Variants in KANK1 observed in about 807,000 individuals in gnomAD.
KANK1 encodes the protein KN motif and ankyrin repeat domain-containing protein 1.
KANK1 carries 109 observed loss-of-function variants against 106.2 expected under a neutral mutation model. That is an observed-to-expected ratio of 1.03 (90% CI 0.88 to 1.20). The LOEUF (loss-of-function observed/expected upper bound fraction) is 1.20, where lower values mean the gene tolerates loss of function less well. KANK1 is among the 50% of genes most tolerant of loss of function. The pLI, the probability that KANK1 is intolerant of heterozygous loss-of-function variation, is 0.00. For missense variants in KANK1, 2,399 were observed against 1,710.7 expected (o/e 1.40, Z -7.10); for synonymous variants, 873 against 652.2 (o/e 1.34, Z -5.16).
At chr9:526,727 C>G (rs2059809043) in intron 1 of KANK1, among the ~76,000 whole-genome samples, 1 of 151,794 alleles carries the variant, frequency 6.6e-6, no homozygotes, top group Non-Finnish European at 1.5e-5. Flanking sequence ...CATCTATCTT[C>G]TGATGTTGAA....
chr9:544,179 C>T lies in KANK1; in HGVS notation c.-84+39425C>T, dbSNP rs991063015. ...GGGACCACAGGTGTGCACCACCATA[C>T]CCGGCTAATTTTTTTATTTTTTGTA... On this transcript the variant is annotated intron_variant, in intron 1 of 11. Transcript: ENST00000382297. 3.3e-5 allele frequency among the ~76,000 whole-genome samples: 5 copies of T among 152,010 alleles called. No individual in the cohort carries two copies. The East Asian group carries it at 7.7e-4, about 23-fold the overall frequency.
intron 3 of KANK1, among the ~76,000 whole-genome samples, chr9:499,127 G>A (rs1051716450): frequency 4.8e-4 from 72 of 149,878 alleles, no homozygotes; most frequent in African/African-American, 1.7e-3. Flanking sequence ...GCAGTGAGCC[G>A]AGATCACACC....
At chr9:717,509 C>G (rs867580984) in intron 3 of KANK1, among the ~76,000 whole-genome samples, 11 of 152,040 alleles carry the variant, frequency 7.2e-5, no homozygotes, top group African/African-American at 2.2e-4. Flanking sequence ...GAACATTTTT[C>G]TAGGATTTGA....
In KANK1 at chr9:606,182, C is replaced by G. The variant is rs573475048; in HGVS notation, c.-83-70708C>G. 3.2e-3 allele frequency among the ~76,000 whole-genome samples: 457 copies of G among 143,564 alleles called. 13 individuals are homozygous for G. Among genetic ancestry groups the G allele is most frequent in the African/African-American group, 0.012 (449 of 38,806 alleles). 94.2% of individuals were successfully genotyped at this position (143,564 alleles called of 152,430 possible). ...ACACACACACACACACACACACACA[C>G]CACTCACACATATATACGTACATAC... On this transcript the variant is annotated intron_variant, in intron 1 of 11. Coordinates refer to ENST00000382297, the MANE Select transcript of KANK1 (RefSeq NM_015158.5).
intron 1 of KANK1, among the ~76,000 whole-genome samples, chr9:536,171 C>G (rs965823843): frequency 6.6e-6 from 1 of 151,930 alleles, no homozygotes; most frequent in East Asian, 1.9e-4. Flanking sequence ...AACTCTGTCT[C>G]TACTAAAAAA....
intron 1 of KANK1, among the ~76,000 whole-genome samples, chr9:598,998 A>G (rs929090510): frequency 6.8e-6 from 1 of 147,676 alleles, no homozygotes; most frequent in African/African-American, 2.5e-5. Context: ...TACTTTATGA[A>G]TGATTTGTAT....
chr9:534,007 T>G (rs771831136), intron 1 of KANK1, among the ~76,000 whole-genome samples: 4 of 152,200 alleles, frequency 2.6e-5, no homozygotes, highest in African/African-American at 9.7e-5. Context: ...CCCAGACTTT[T>G]TGTCATTCTG....
intron 1 of KANK1, among the ~76,000 whole-genome samples, chr9:574,055 C>G (rs1819897495): frequency 6.6e-6 from 1 of 152,360 alleles, no homozygotes; most frequent in East Asian, 1.9e-4. Context: ...CTGGATTTGT[C>G]TTTATTGTAC....
At chr9:545,735 T>C (rs1365278375) in intron 1 of KANK1, among the ~76,000 whole-genome samples, 1 of 145,616 alleles carries the variant, frequency 6.9e-6, no homozygotes, top group Admixed American at 6.9e-5. Flanking sequence ...TTTTTTTTTT[T>C]TTTTTTTTTT....
intron 1 of KANK1, among the ~76,000 whole-genome samples, chr9:572,325 C>T (rs963367018): frequency 1.3e-5 from 2 of 151,750 alleles, no homozygotes; most frequent in Non-Finnish European, 2.9e-5. Flanking sequence ...CCAGCTATTT[C>T]GGATCATGAG....
At chr9:731,025 TTTGTGGAAAC>T (rs1228169515) in intron 4 of KANK1, 123 bp from the exon 5 acceptor site, 2 of 460,898 alleles carry the variant, frequency 4.3e-6, no homozygotes, top group African/African-American at 4.1e-5. Flanking sequence ...CCCATTGAAT[TTTGTGGAAAC>T]TTCTCACATA....
chr9:690,725 G>A (rs1344026337), intron 2 of KANK1, among the ~76,000 whole-genome samples: 20 of 152,162 alleles, frequency 1.3e-4, no homozygotes, highest in African/African-American at 9.7e-5. Context: ...CAGGCTCTCT[G>A]GGGGAAAAGT....
intron 2 of KANK1, among the ~76,000 whole-genome samples, chr9:703,426 A>T (rs1053549714): frequency 1.3e-5 from 2 of 152,082 alleles, no homozygotes; most frequent in Non-Finnish European, 2.9e-5. Context: ...GAATAGGACC[A>T]TTTTCTGTAG....
chr9:710,773 TC>T, intron 2 of KANK1, 30 bp from the exon 3 acceptor site: 1 of 1,536,116 alleles, frequency 6.5e-7, no homozygotes, highest in Non-Finnish European at 8.7e-7. Flanking sequence ...GTATTGCATG[TC>T]ATTATAATAT....
chr9:589,786 G>A lies in KANK1; in HGVS notation c.-84+85032G>A, dbSNP rs140154174. Reference sequence around the variant, plus strand: ...GGAGAGTAAAAGTGGTAGGTTTGGGGTTTTAGATTTGAGAAAGGGAAACCA... The same window carrying A: ...GGAGAGTAAAAGTGGTAGGTTTGGGATTTTAGATTTGAGAAAGGGAAACCA... On this transcript the variant is annotated intron_variant, in intron 1 of 11. Coordinates refer to ENST00000382297, the MANE Select transcript of KANK1 (RefSeq NM_015158.5). Among the ~76,000 whole-genome samples the A allele has an allele frequency of 5.6e-4, 85 of 152,284 alleles. No homozygotes were observed. The Middle Eastern group carries it at 0.01, about 18-fold the overall frequency.
intron 2 of KANK1, among the ~76,000 whole-genome samples, chr9:688,322 G>T (rs1432805316): frequency 6.6e-6 from 1 of 152,200 alleles, no homozygotes; most frequent in African/African-American, 2.4e-5. Context: ...AGATGGTGTT[G>T]TTGCTGGGTG....
At chr9:597,673 ATTTT>A (rs1178282465) in intron 1 of KANK1, among the ~76,000 whole-genome samples, 2 of 148,752 alleles carry the variant, frequency 1.3e-5, no homozygotes, top group East Asian at 3.9e-4. Context: ...ATTTTTATTT[ATTTT>A]TTTTTAGACA....
intron 1 of KANK1, among the ~76,000 whole-genome samples, chr9:618,231 C>G (rs1248426320): frequency 6.6e-6 from 1 of 152,118 alleles, no homozygotes; most frequent in African/African-American, 2.4e-5. Flanking sequence ...ATTTACGAGA[C>G]AGAGTCTCGC....
intron 8 of KANK1, among the ~76,000 whole-genome samples, chr9:740,530 C>G (rs1589343210): frequency 6.6e-6 from 1 of 152,234 alleles, no homozygotes; most frequent in East Asian, 1.9e-4. Flanking sequence ...CATTGCATTT[C>G]AGCCACCAGT....
Sources: gnomAD v4.1 joint callset for allele counts (sites outside exome capture counted in the v4.1 genomes callset) on GRCh38, gnomAD v4.1.1 for gene constraint, MANE v1.5 for transcripts, NCBI Gene and HGNC (gene_info 2026-07-23, HGNC 2026-07-21) for gene names.